The following LRRK1 variants were observed in gnomAD, a reference collection of about 807,000 sequenced individuals.
The protein encoded by LRRK1 is leucine rich repeat kinase 1.
Under a neutral mutation model 209.1 loss-of-function variants are expected in LRRK1, and 113 were observed. That is an observed-to-expected ratio of 0.54 (90% CI 0.46 to 0.63). The LOEUF is 0.63. LRRK1 is among the 30% of genes least tolerant of loss of function. LRRK1 has a pLI of 0.00. For synonymous variants in LRRK1, 1,144 were observed against 1,099.7 expected (o/e 1.04, Z -0.80); for missense variants, 2,284 against 2,632.2 (o/e 0.87, Z 2.89).
intron 4 of LRRK1, among the ~76,000 whole-genome samples, chr15:100,987,977 C>A (rs190338667): frequency 1.3e-5 from 2 of 152,200 alleles, no homozygotes; most frequent in East Asian, 3.9e-4. Flanking sequence ...ATGCTGGATA[C>A]GCCATTTTTA....
chr15:101,074,036 G>A lies in LRRK1; in HGVS notation c.*5188G>A, dbSNP rs1390115633. The A allele has an allele frequency of 3.3e-5, 5 of 152,090 alleles. No individual in the cohort carries two copies. Among genetic ancestry groups the A allele is most frequent in the Admixed American group, 3.3e-4 (5 of 15,260 alleles). 9.4% of individuals were successfully genotyped at this position (152,090 alleles called of 1,614,324 possible). ...GTAAAATGGGCAAATGGTCTGAGGT[G>A]CCTGACGTCCAGGCGTTCTTTTACA... On this transcript the variant is annotated 3_prime_UTR_variant, in exon 34 of 34. Coordinates refer to ENST00000388948, the MANE Select transcript of LRRK1 (RefSeq NM_024652.6).
intron 9 of LRRK1, among the ~76,000 whole-genome samples, chr15:101,011,576 CA>C (rs1467060809): frequency 8.6e-6 from 1 of 115,804 alleles, no homozygotes; most frequent in Admixed American, 9.6e-5. Context: ...GATGGAATAG[CA>C]TGAAGAATGT....
intron 9 of LRRK1, 106 bp from the exon 10 acceptor site, chr15:101,011,902 A>G (rs1256349384): frequency 2.5e-6 from 2 of 796,786 alleles, no homozygotes; most frequent in Non-Finnish European, 4.1e-6. Context: ...ACAGGACATT[A>G]TTGTAATGGT....
chr15:100,950,905 C>T (rs1047551742), intron 2 of LRRK1, among the ~76,000 whole-genome samples: 19 of 152,122 alleles, frequency 1.2e-4, no homozygotes, highest in African/African-American at 4.3e-4. Context: ...AGATCGAGAC[C>T]ATCCTGGCTA....
chr15:101,039,603 C>G (rs74040255), intron 20 of LRRK1, among the ~76,000 whole-genome samples: 151 of 152,164 alleles, frequency 9.9e-4, no homozygotes, highest in African/African-American at 3.5e-3. Context: ...TGCATTGGCT[C>G]GGATCTCTAG....
At chr15:101,031,402 C>G (rs991266637) in intron 20 of LRRK1, among the ~76,000 whole-genome samples, 5 of 152,314 alleles carry the variant, frequency 3.3e-5, no homozygotes, top group African/African-American at 9.6e-5. Context: ...AAACATCATG[C>G]CTTTGAGATC....
chr15:101,032,902 A>C (rs764051606), intron 20 of LRRK1, among the ~76,000 whole-genome samples: 1 of 152,226 alleles, frequency 6.6e-6, no homozygotes, highest in Non-Finnish European at 1.5e-5. Context: ...GCTTTAGAGT[A>C]AGACTTGAAA....
chr15:100,924,832 A>G lies in LRRK1; in HGVS notation c.97+103A>G, dbSNP rs946651357. On this transcript the variant is annotated intron_variant, in intron 2 of 33. Coordinates refer to ENST00000388948, the MANE Select transcript of LRRK1 (RefSeq NM_024652.6). Reference sequence around the variant, plus strand: ...GAACAAGGAGTTCTCAACCAGTGGAAATCAAATGTCCATCATTTGGTGCTC... The same window carrying G: ...GAACAAGGAGTTCTCAACCAGTGGAGATCAAATGTCCATCATTTGGTGCTC... 7 of 749,972 alleles carry G rather than the reference A, an allele frequency of 9.3e-6. No homozygotes were observed. The African/African-American group carries it at 1.2e-4, about 13-fold the overall frequency. The allele number at this position is 749,972 out of a possible 1,614,324, so 46.5% of individuals were successfully genotyped here.
At chr15:100,965,338 A>C (rs1049327307) in intron 2 of LRRK1, among the ~76,000 whole-genome samples, 1 of 152,236 alleles carries the variant, frequency 6.6e-6, no homozygotes, top group Non-Finnish European at 1.5e-5. Context: ...CTTTAAAAAT[A>C]GTATGTTAAA....
intron 2 of LRRK1, among the ~76,000 whole-genome samples, chr15:100,938,944 C>G (rs28693492): frequency 0.2 from 29,835 of 151,760 alleles, 3,143 homozygotes; most frequent in South Asian, 0.29. Flanking sequence ...ATACAAAAAA[C>G]TAGCGAGGCA....
Position 101,008,947 on chromosome 15 carries a change from G to C in LRRK1, c.873G>C (p.Ala291=). ...TELDLSANCL[A]TLPSVIPWGL... The stretch of plus-strand genomic sequence containing the variant: ...TCGACCTTTCTGCCAACTGCCTGGC[G>C]ACCCTCCCCTCGGTTATCCCCTGGG... The change falls in exon 7 of 34, where the codon GCG becomes GCC. Residue 291 remains alanine (A), a synonymous_variant. Coordinates refer to ENST00000388948, the MANE Select transcript of LRRK1 (RefSeq NM_024652.6). 1.9e-6 allele frequency: 3 copies of C among 1,614,070 alleles called. No individual in the cohort carries two copies. Among genetic ancestry groups the C allele is most frequent in the Non-Finnish European group, 2.5e-6 (3 of 1,179,996 alleles).
At chr15:101,068,560 C>T in intron 33 of LRRK1, 111 bp from the exon 34 acceptor site, 3 of 1,145,152 alleles carry the variant, frequency 2.6e-6, no homozygotes, top group Non-Finnish European at 3.7e-6. Context: ...AGCAGACACA[C>T]TCCCCTGCCC....
Position 101,051,761 on chromosome 15 carries a change from C to A in LRRK1, c.3490C>A (p.Pro1164Thr). The change falls in exon 24 of 34, where the codon CCC becomes ACC. Residue 1164 changes from proline (P) to threonine (T), a missense_variant. Physicochemically the swap from Pro to Thr is conservative, Grantham distance 38 (BLOSUM62 -1). Coordinates refer to ENST00000388948, the MANE Select transcript of LRRK1 (RefSeq NM_024652.6). ...GACGCCACTCATGGAGCAGTACGTG[C>A]CCTGCCCGGTCTGCGAGACAGCCTG... The part of the protein sequence containing the change: ...DGTPLMEQYV[P>T]CPVCETAWAQ... 1.9e-6 allele frequency: 3 copies of A among 1,614,032 alleles called. No homozygotes were observed. The highest frequency in any genetic ancestry group is 2.5e-6 in the Non-Finnish European group (3 of 1,180,032).
intron 1 of LRRK1, among the ~76,000 whole-genome samples, chr15:100,922,542 C>T (rs946257535): frequency 1.3e-5 from 2 of 151,870 alleles, no homozygotes; most frequent in South Asian, 2.1e-4. Flanking sequence ...TGGTTATGTG[C>T]GGTAGCTGTT....
chr15:101,041,990 G>A (rs6598425), intron 20 of LRRK1, among the ~76,000 whole-genome samples: 147,457 of 152,254 alleles, frequency 0.97, 71,566 homozygotes, highest in East Asian at 1. Context: ...CCATGAAAAA[G>A]AAACTGCAGA....
chr15:100,978,665 C>T (rs1329642432), intron 3 of LRRK1, among the ~76,000 whole-genome samples: 1 of 152,092 alleles, frequency 6.6e-6, no homozygotes, highest in Admixed American at 6.5e-5. Context: ...ATGAAAGGGA[C>T]AAATCCTTGA....
intron 20 of LRRK1, among the ~76,000 whole-genome samples, chr15:101,043,106 T>C (rs1041044862): frequency 6.6e-6 from 1 of 152,158 alleles, no homozygotes; most frequent in Admixed American, 6.5e-5. Flanking sequence ...AGGATCCAAA[T>C]CCACAGAATG....
chr15:100,948,003 G>A (rs2042575194), intron 2 of LRRK1, among the ~76,000 whole-genome samples: 1 of 152,194 alleles, frequency 6.6e-6, no homozygotes, highest in South Asian at 2.1e-4. Flanking sequence ...ACAGTTGCTT[G>A]ACAAGGCATC....
intron 19 of LRRK1, among the ~76,000 whole-genome samples, chr15:101,028,194 G>A (rs184101177): frequency 1.1e-4 from 16 of 152,342 alleles, no homozygotes; most frequent in Non-Finnish European, 1.8e-4. Context: ...GAGACGCAGC[G>A]TTGGGCTCCT....
Sources: allele counts gnomAD v4.1 joint callset (sites outside exome capture counted in the v4.1 genomes callset), GRCh38; gene constraint gnomAD v4.1.1; transcripts MANE v1.5; gene names NCBI Gene and HGNC (gene_info 2026-07-23, HGNC 2026-07-21).